CACNA1C: variants seen among roughly 807,000 people sequenced by gnomAD.
The protein encoded by CACNA1C is calcium voltage-gated channel subunit alpha1 C, also known as voltage-dependent L-type calcium channel subunit alpha-1C.
Under a neutral mutation model 229.0 loss-of-function variants are expected in CACNA1C, and 30 were observed. The ratio of observed to expected loss-of-function variants is 0.13; its 90% CI spans 0.10 to 0.18. The LOEUF (loss-of-function observed/expected upper bound fraction) is 0.18, where lower values mean the gene tolerates loss of function less well. CACNA1C is among the 10% of genes least tolerant of loss of function. CACNA1C has a pLI of 1.00. For synonymous variants in CACNA1C, 1,114 were observed against 1,132.5 expected, an observed-to-expected ratio of 0.98 and a Z score of 0.33; for missense variants, 1,658 against 2,845.0, an observed-to-expected ratio of 0.58 and a Z score of 9.49.
intron 1 of CACNA1C, among the ~76,000 whole-genome samples, chr12:2,072,899 T>A (rs1167945942): frequency 2.6e-5 from 4 of 152,156 alleles, no homozygotes; most frequent in Non-Finnish European, 4.4e-5. Flanking sequence ...GCAGAGGGCA[T>A]AAACAAGCAT....
intron 1 of CACNA1C, among the ~76,000 whole-genome samples, chr12:2,100,316 C>T (rs1358924869): frequency 1.3e-5 from 2 of 151,448 alleles, no homozygotes; most frequent in Non-Finnish European, 2.9e-5. Flanking sequence ...TGTGGTGGCA[C>T]GTGCCTGTAA....
chr12:2,520,027 C>G (rs1047320285), intron 9 of CACNA1C, among the ~76,000 whole-genome samples: 33 of 152,268 alleles, frequency 2.2e-4, no homozygotes, highest in Non-Finnish European at 4.4e-5. Context: ...CTTCCCAAAG[C>G]AAAACCACCA....
At chr12:2,309,713 G>A (rs1043041967) in intron 3 of CACNA1C, among the ~76,000 whole-genome samples, 5 of 152,194 alleles carry the variant, frequency 3.3e-5, no homozygotes, top group African/African-American at 9.7e-5. Flanking sequence ...TAAGAAGAAA[G>A]TATTAAGCAT....
At chr12:2,554,963 G>T (rs2043262131) in intron 10 of CACNA1C, among the ~76,000 whole-genome samples, 1 of 152,218 alleles carries the variant, frequency 6.6e-6, no homozygotes. Flanking sequence ...CTAAAATTCT[G>T]CTCACAATCC....
chr12:2,044,046 A>G (rs979081039), intron 1 of CACNA1C, among the ~76,000 whole-genome samples: 15 of 152,250 alleles, frequency 9.9e-5, no homozygotes, highest in African/African-American at 3.6e-4. Flanking sequence ...ATGATTACCA[A>G]GAGTTAGTGA....
At chr12:2,143,040 A>G (rs892974569) in intron 3 of CACNA1C, among the ~76,000 whole-genome samples, 4 of 150,508 alleles carry the variant, frequency 2.7e-5, no homozygotes, top group Non-Finnish European at 5.9e-5. Context: ...CAATGGTGCT[A>G]TCTTGGCTCA....
intron 3 of CACNA1C, among the ~76,000 whole-genome samples, chr12:2,309,298 T>C (rs1030453108): frequency 2.6e-5 from 4 of 152,078 alleles, no homozygotes; most frequent in East Asian, 1.9e-4. Context: ...GCCCAACTCA[T>C]AGAAGCAGAG....
At position 2,275,236 on chromosome 12, in the gene CACNA1C, G is replaced by A. The variant is rs1184846207; in HGVS notation, c.477+154806G>A. Among the ~76,000 whole-genome samples the A allele has an allele frequency of 5.3e-5, 8 of 152,146 alleles. No individual in the cohort carries two copies. The highest frequency in any genetic ancestry group is 1.3e-4 in the Admixed American group (2 of 15,272). The stretch of plus-strand genomic sequence containing the variant: ...CAGTCATCATCAGCAATGTTAGCCC[G>A]GCAAACGTGATCTTTCTTTCCTTTG... On this transcript the variant is annotated intron_variant, in intron 3 of 46. Transcript: ENST00000399655. The surrounding 1 kb of genome is among the most constrained non-coding windows in gnomAD (Gnocchi z 4.1).
chr12:2,258,189 C>T (rs150022355), intron 3 of CACNA1C, among the ~76,000 whole-genome samples: 1 of 152,336 alleles, frequency 6.6e-6, no homozygotes, highest in African/African-American at 2.4e-5. Flanking sequence ...TTGCCAGAAG[C>T]TTTCACACAC....
At chr12:2,480,870 A>G (rs772328991) in intron 5 of CACNA1C, among the ~76,000 whole-genome samples, 1 of 152,258 alleles carries the variant, frequency 6.6e-6, no homozygotes, top group Admixed American at 6.5e-5. Flanking sequence ...CAGAGCGTCA[A>G]TGTGGAATCC....
chr12:2,192,201 A>G (rs968571958), intron 3 of CACNA1C, among the ~76,000 whole-genome samples: 1 of 152,216 alleles, frequency 6.6e-6, no homozygotes, highest in Non-Finnish European at 1.5e-5. Context: ...GTGAATGTTG[A>G]ATATCTGAAA....
At chr12:2,521,483 A>G (rs1015154507) in intron 9 of CACNA1C, among the ~76,000 whole-genome samples, 1 of 152,156 alleles carries the variant, frequency 6.6e-6, no homozygotes, top group Non-Finnish European at 1.5e-5. Flanking sequence ...GGTGTGGAGC[A>G]TGAAGGCCCT....
intron 3 of CACNA1C, among the ~76,000 whole-genome samples, chr12:2,150,811 T>G (rs954581159): frequency 1.3e-5 from 2 of 152,246 alleles, no homozygotes; most frequent in Non-Finnish European, 2.9e-5. Flanking sequence ...TCTACCGCTC[T>G]TATTTTCTCA....
intron 38 of CACNA1C, chr12:2,672,070 C>A (rs546152446): frequency 1.3e-5 from 2 of 152,214 alleles, no homozygotes; most frequent in African/African-American, 4.8e-5. Flanking sequence ...AGGCTTGCAT[C>A]AGTCCTCACC....
chr12:2,337,941 AG>A (rs1161115858), intron 3 of CACNA1C, among the ~76,000 whole-genome samples: 3 of 152,190 alleles, frequency 2.0e-5, no homozygotes, highest in Non-Finnish European at 4.4e-5. Context: ...TCCCACAGGC[AG>A]CCCCCAGGCA....
intron 9 of CACNA1C, among the ~76,000 whole-genome samples, chr12:2,542,073 C>T (rs983466953): frequency 1.3e-5 from 2 of 152,252 alleles, no homozygotes; most frequent in Middle Eastern, 3.4e-3. Context: ...AGTACAGCAG[C>T]GGGCACCAAA....
intron 3 of CACNA1C, among the ~76,000 whole-genome samples, chr12:2,141,463 G>A (rs1174134000): frequency 1.3e-5 from 2 of 151,312 alleles, no homozygotes; most frequent in African/African-American, 2.4e-5. Context: ...AAAGGGACCT[G>A]CCAGAAGCTT....
intron 3 of CACNA1C, among the ~76,000 whole-genome samples, chr12:2,244,826 G>C (rs2072327707): frequency 6.6e-6 from 1 of 152,216 alleles, no homozygotes; most frequent in African/African-American, 2.4e-5. Context: ...AGGGGGATTA[G>C]GTTCATTTAT....
chr12:2,418,448 G>C (rs958496129), intron 3 of CACNA1C, among the ~76,000 whole-genome samples: 1 of 152,196 alleles, frequency 6.6e-6, no homozygotes, highest in Non-Finnish European at 1.5e-5. Flanking sequence ...CGGGCCTGAC[G>C]AGGGCAGGGG....
Sources: allele counts gnomAD v4.1 joint callset (sites outside exome capture counted in the v4.1 genomes callset), GRCh38; gene constraint gnomAD v4.1.1; non-coding constraint Gnocchi (gnomAD v3.1); transcripts MANE v1.5; gene names NCBI Gene and HGNC (gene_info 2026-07-23, HGNC 2026-07-21).